CSMD1: variants seen among roughly 807,000 people sequenced by gnomAD.
CSMD1 encodes CUB and Sushi multiple domains 1.
In CSMD1, 213 loss-of-function variants were observed where a neutral mutation model predicts 417.5. That is an observed-to-expected ratio of 0.51 (90% CI 0.46 to 0.57). The LOEUF is 0.57. Ranked by LOEUF, CSMD1 falls within the 20% of genes least tolerant of loss-of-function variation. The probability of loss-of-function intolerance (pLI) is 0.00; values close to 1 mark genes in which losing one functional copy is unlikely to be tolerated. For synonymous variants in CSMD1, 2,862 were observed against 1,736.8 expected (o/e 1.65, Z -16.11); for missense variants, 6,923 against 4,529.7 (o/e 1.53, Z -15.17).
intron 54 of CSMD1, among the ~76,000 whole-genome samples, chr8:2,982,272 C>T (rs1273190969): frequency 6.6e-6 from 1 of 152,186 alleles, no homozygotes; most frequent in East Asian, 1.9e-4. Context: ...AGGAGAATTG[C>T]TTGAACCCAG....
At chr8:3,153,941 C>T (rs536525959) in intron 39 of CSMD1, among the ~76,000 whole-genome samples, 1 of 152,240 alleles carries the variant, frequency 6.6e-6, no homozygotes, top group East Asian at 1.9e-4. Context: ...ACAGAGCTCC[C>T]AAAAGACGCA....
chr8:3,898,274 C>T (rs990759702), intron 5 of CSMD1, among the ~76,000 whole-genome samples: 10 of 152,010 alleles, frequency 6.6e-5, no homozygotes, highest in Non-Finnish European at 1.5e-4. Flanking sequence ...AGCATGAATA[C>T]AACCAAAAAA....
At chr8:4,519,155 A>C in intron 2 of CSMD1, among the ~76,000 whole-genome samples, 1 of 152,146 alleles carries the variant, frequency 6.6e-6, no homozygotes, top group Non-Finnish European at 1.5e-5. Context: ...TAATGTGTTA[A>C]ATTATTTACC....
intron 7 of CSMD1, among the ~76,000 whole-genome samples, chr8:3,678,550 T>A (rs143426898): frequency 0.014 from 2,070 of 152,130 alleles, 48 homozygotes; most frequent in African/African-American, 0.047. Flanking sequence ...AAAGACCAAA[T>A]CTATGTCTGA....
At chr8:4,227,714 C>G (rs572678997) in intron 3 of CSMD1, among the ~76,000 whole-genome samples, 2 of 151,928 alleles carry the variant, frequency 1.3e-5, no homozygotes, top group African/African-American at 4.8e-5. Flanking sequence ...GAGACACACC[C>G]TCCACCCCAC....
rs181666649 is a variant in CSMD1, at chr8:4,308,470, C to T, written c.415+111483G>A. ...GTTTAGAAAAGGATGTGATCTTCAG[C>T]GAGGGCCAATGTGAAACACGGCAAA... On this transcript the variant is annotated intron_variant, in intron 3 of 69. Coordinates refer to ENST00000635120, the MANE Select transcript of CSMD1 (RefSeq NM_033225.6). 1.6e-3 allele frequency among the ~76,000 whole-genome samples: 239 copies of T among 152,106 alleles called. 1 individual carries two copies. Among genetic ancestry groups the T allele is most frequent in the African/African-American group, 5.6e-3 (233 of 41,496 alleles).
chr8:3,665,412 C>G (rs1369719395), intron 7 of CSMD1, among the ~76,000 whole-genome samples: 8 of 152,136 alleles, frequency 5.3e-5, no homozygotes, highest in East Asian at 1.9e-4. Context: ...ACCAGTAATA[C>G]CAGCTACTCC....
chr8:3,043,590 T>C (rs982468590), intron 50 of CSMD1: 3 of 152,170 alleles, frequency 2.0e-5, no homozygotes, highest in African/African-American at 7.2e-5. Context: ...TAATGACTGC[T>C]TTGCTTCACT....
intron 1 of CSMD1, among the ~76,000 whole-genome samples, chr8:4,721,536 G>T (rs984174994): frequency 6.6e-6 from 1 of 152,080 alleles, no homozygotes; most frequent in Non-Finnish European, 1.5e-5. Flanking sequence ...TGTTAGTATG[G>T]CTATTATCAA....
intron 10 of CSMD1, among the ~76,000 whole-genome samples, chr8:3,508,903 G>A (rs568554161): frequency 6.6e-6 from 1 of 152,236 alleles, no homozygotes; most frequent in African/African-American, 2.4e-5. Flanking sequence ...AATGATCCAT[G>A]GACCCTTGCA....
chr8:4,930,076 G>A (rs969659618), intron 1 of CSMD1, among the ~76,000 whole-genome samples: 1 of 152,170 alleles, frequency 6.6e-6, no homozygotes. Flanking sequence ...CAAGGAAAAA[G>A]AGCTTGTTTC....
chr8:3,725,563 G>A lies in CSMD1; in HGVS notation c.932-17072C>T, dbSNP rs534959647. Among the ~76,000 whole-genome samples the A allele has an allele frequency of 2.0e-5, 3 of 152,246 alleles. No individual in the cohort carries two copies. In the East Asian group the frequency reaches 5.8e-4, roughly 29 times the overall value. Reference sequence around the variant, plus strand: ...CCCTCCCATGAGCTGCTTGTATTAAGTAGAAACAGTTGAGGAGAGAGGAAG... The same window carrying A: ...CCCTCCCATGAGCTGCTTGTATTAAATAGAAACAGTTGAGGAGAGAGGAAG... On this transcript the variant is annotated intron_variant, in intron 6 of 69. Coordinates refer to ENST00000635120, the MANE Select transcript of CSMD1 (RefSeq NM_033225.6).
intron 2 of CSMD1, among the ~76,000 whole-genome samples, chr8:4,633,914 C>T (rs913720265): frequency 2.6e-5 from 4 of 151,356 alleles, no homozygotes; most frequent in Non-Finnish European, 4.4e-5. Flanking sequence ...ATGGTTGGAC[C>T]TTACTGGAGA....
chr8:4,042,427 C>T (rs1255781221), intron 3 of CSMD1, among the ~76,000 whole-genome samples: 1 of 152,056 alleles, frequency 6.6e-6, no homozygotes, highest in Non-Finnish European at 1.5e-5. Context: ...AAACAACCAT[C>T]AATCTAAATA....
intron 12 of CSMD1, among the ~76,000 whole-genome samples, chr8:3,423,787 A>C (rs969064068): frequency 1.3e-5 from 2 of 152,154 alleles, no homozygotes; most frequent in Non-Finnish European, 2.9e-5. Context: ...ATAGGCACAT[A>C]CTTTTTGGTG....
In CSMD1 at chr8:4,527,764, G is replaced by T. The variant is rs536369572; in HGVS notation, c.303-107699C>A. ...ACATGACTTTAGACACACTACAATC[G>T]TAGCTATTCATTCTTTTTACTGATG... On this transcript the variant is annotated intron_variant, in intron 2 of 69. Coordinates refer to ENST00000635120, the MANE Select transcript of CSMD1 (RefSeq NM_033225.6). Among the ~76,000 whole-genome samples, 3 of 152,118 alleles carry T rather than the reference G, an allele frequency of 2.0e-5. No individual in the cohort carries two copies. In the East Asian group the frequency reaches 5.8e-4, roughly 29 times the overall value.
intron 3 of CSMD1, among the ~76,000 whole-genome samples, chr8:4,115,403 C>T (rs1802080879): frequency 6.6e-6 from 1 of 152,204 alleles, no homozygotes; most frequent in Non-Finnish European, 1.5e-5. Context: ...ACTAAGCCAA[C>T]ATATTCCTAT....
At chr8:4,337,361 C>A (rs6558863) in intron 3 of CSMD1, among the ~76,000 whole-genome samples, 2 of 151,998 alleles carry the variant, frequency 1.3e-5, no homozygotes, top group African/African-American at 4.8e-5. Context: ...CAAACTTCCA[C>A]CTAAGTCATT....
At chr8:3,059,696 C>T (rs1812462447) in intron 49 of CSMD1, among the ~76,000 whole-genome samples, 1 of 151,974 alleles carries the variant, frequency 6.6e-6, no homozygotes, top group Non-Finnish European at 1.5e-5. Flanking sequence ...GTAGGAAGCC[C>T]AGTAGGGCAG....
Sources: allele counts gnomAD v4.1 joint callset (sites outside exome capture counted in the v4.1 genomes callset), GRCh38; gene constraint gnomAD v4.1.1; transcripts MANE v1.5; gene names NCBI Gene and HGNC (gene_info 2026-07-23, HGNC 2026-07-21).